The following GRID1 variants were observed in gnomAD, a reference collection of about 807,000 sequenced individuals.
GRID1 encodes glutamate ionotropic receptor delta type subunit 1.
In GRID1, 28 loss-of-function variants were observed where a neutral mutation model predicts 98.0. The ratio of observed to expected loss-of-function variants is 0.29; its 90% CI spans 0.21 to 0.39. The LOEUF (loss-of-function observed/expected upper bound fraction) is 0.39, where lower values mean the gene tolerates loss of function less well. Ranked by LOEUF, GRID1 falls within the 10% of genes least tolerant of loss-of-function variation. The probability of loss-of-function intolerance (pLI) is 1.00; values close to 1 mark genes in which losing one functional copy is unlikely to be tolerated. For synonymous variants in GRID1, 553 were observed against 538.5 expected (o/e 1.03, Z -0.37); for missense variants, 1,111 against 1,340.5 (o/e 0.83, Z 2.67).
intron 4 of GRID1, among the ~76,000 whole-genome samples, chr10:86,091,940 G>A (rs1844155703): frequency 2.0e-5 from 3 of 152,186 alleles, no homozygotes. Flanking sequence ...AAGGGGGAGA[G>A]TACTACATCA....
At chr10:86,235,759 T>C (rs1478452283) in intron 2 of GRID1, among the ~76,000 whole-genome samples, 1 of 152,254 alleles carries the variant, frequency 6.6e-6, no homozygotes, top group Non-Finnish European at 1.5e-5. Context: ...TTCCACTGAA[T>C]AGGAATATCC....
chr10:85,948,399 G>A (rs987532249), intron 4 of GRID1, among the ~76,000 whole-genome samples: 2 of 152,220 alleles, frequency 1.3e-5, no homozygotes, highest in African/African-American at 4.8e-5. Context: ...TTGGGAAGCT[G>A]CATTGTCACC....
At chr10:85,872,214 A>G (rs1202049738) in intron 5 of GRID1, among the ~76,000 whole-genome samples, 1 of 152,184 alleles carries the variant, frequency 6.6e-6, no homozygotes, top group Non-Finnish European at 1.5e-5. Context: ...AGAAAAAGCA[A>G]TGAGTAGGTT....
rs1171311960 is a variant in GRID1 at position 85,628,207 on chromosome 10, A to T, written c.2194-8174T>A. 7.9e-5 allele frequency among the ~76,000 whole-genome samples: 12 copies of T among 151,006 alleles called. No homozygotes were observed. In the East Asian group the frequency reaches 1.8e-3, roughly 22 times the overall value. On this transcript the variant is annotated intron_variant, in intron 13 of 15. Coordinates refer to ENST00000327946, the MANE Select transcript of GRID1 (RefSeq NM_017551.3). ...TGTGTGCATGGGAATGTGTGTGTGT[A>T]TGGGTGTGTGAGTGTGTGCATGTTG...
At chr10:85,720,682 A>ACC (rs1187027028) in intron 12 of GRID1, among the ~76,000 whole-genome samples, 28 of 151,470 alleles carry the variant, frequency 1.8e-4, no homozygotes, top group African/African-American at 6.8e-4. Flanking sequence ...AGAAAAAAAA[A>ACC]CCCCAAAACT....
At chr10:85,745,929 AAAG>A (rs1306658008) in intron 8 of GRID1, among the ~76,000 whole-genome samples, 1 of 152,186 alleles carries the variant, frequency 6.6e-6, no homozygotes, top group African/African-American at 2.4e-5. Flanking sequence ...GTGAAGAAAC[AAAG>A]AAGCAGTAAC....
chr10:85,764,860 A>G (rs1357814150), intron 8 of GRID1, among the ~76,000 whole-genome samples: 1 of 152,228 alleles, frequency 6.6e-6, no homozygotes, highest in East Asian at 1.9e-4. Flanking sequence ...AACAAAACTC[A>G]GGGTTACTTA....
chr10:85,807,219 G>A (rs566919051), intron 8 of GRID1, among the ~76,000 whole-genome samples: 49 of 151,924 alleles, frequency 3.2e-4, no homozygotes, highest in African/African-American at 9.7e-4. Flanking sequence ...GTGTGGTGGC[G>A]CGCACCTGTA....
chr10:86,029,326 C>T (rs1843155386), intron 4 of GRID1, among the ~76,000 whole-genome samples: 1 of 152,144 alleles, frequency 6.6e-6, no homozygotes, highest in Admixed American at 6.5e-5. Context: ...GTCAATCTGC[C>T]TTCAAAATAC....
intron 8 of GRID1, among the ~76,000 whole-genome samples, chr10:85,774,045 G>A (rs1425174495): frequency 1.3e-5 from 2 of 152,192 alleles, no homozygotes; most frequent in Admixed American, 1.3e-4. Context: ...GAACAAAGCT[G>A]TAGGCATCAC....
At chr10:85,708,270 G>C (rs1463780290) in intron 12 of GRID1, among the ~76,000 whole-genome samples, 3 of 152,088 alleles carry the variant, frequency 2.0e-5, no homozygotes, top group African/African-American at 7.2e-5. Context: ...CAGGCGTGGT[G>C]GTGGGCGCCT....
In GRID1 at chr10:86,185,403, C is replaced by A. The variant is rs567822099; in HGVS notation, c.520+20961G>T. 7.9e-5 allele frequency among the ~76,000 whole-genome samples: 12 copies of A among 152,208 alleles called. No individual in the cohort carries two copies. In the East Asian group the frequency reaches 2.1e-3, roughly 27 times the overall value. On this transcript the variant is annotated intron_variant, in intron 3 of 15. Transcript: ENST00000327946. The stretch of plus-strand genomic sequence containing the variant: ...CCACTAAATTTTGCACATGGATGAT[C>A]ATATAATCAGTAAATTTAAAGTTTT...
At chr10:85,779,050 T>A (rs147164669) in intron 8 of GRID1, among the ~76,000 whole-genome samples, 3 of 152,382 alleles carry the variant, frequency 2.0e-5, no homozygotes, top group Non-Finnish European at 4.4e-5. Context: ...ATTTAAGTTG[T>A]CATTTTTCAA....
intron 2 of GRID1, among the ~76,000 whole-genome samples, chr10:86,301,199 CA>C (rs1386625814): frequency 4.6e-5 from 7 of 152,204 alleles, no homozygotes; most frequent in Non-Finnish European, 8.8e-5. Flanking sequence ...CCACAGGCCA[CA>C]GACCAGCTGA....
rs35210466 is a variant in GRID1, at chr10:85,892,216, C to CAA, written c.781-23038_781-23037dup. On this transcript the variant is annotated intron_variant, in intron 5 of 15. Transcript: ENST00000327946. Reference sequence around the variant, plus strand: ...ATGAATCATGGAGATAAAAAAAAAACAAAAAAAAAAACAGGAAAAAGATCA... The same window carrying CAA: ...ATGAATCATGGAGATAAAAAAAAAACAAAAAAAAAAAAACAGGAAAAAGATCA... Among the ~76,000 whole-genome samples, 389 of 123,740 alleles carry CAA rather than the reference C, an allele frequency of 3.1e-3. 3 individuals carry two copies. The highest frequency in any genetic ancestry group is 5.2e-3 in the African/African-American group (176 of 34,046). 81.2% of individuals were successfully genotyped at this position (123,740 alleles called of 152,430 possible).
At chr10:86,320,698 A>C (rs1589448525) in intron 2 of GRID1, among the ~76,000 whole-genome samples, 1 of 152,224 alleles carries the variant, frequency 6.6e-6, no homozygotes, top group East Asian at 1.9e-4. Context: ...CATTTTAACA[A>C]ACACACACAC....
intron 2 of GRID1, among the ~76,000 whole-genome samples, chr10:86,258,163 T>G (rs1846955187): frequency 6.6e-6 from 1 of 152,140 alleles, no homozygotes; most frequent in South Asian, 2.1e-4. Flanking sequence ...GTTTCAAAAT[T>G]TCATGAGAAT....
intron 3 of GRID1, among the ~76,000 whole-genome samples, chr10:86,175,900 G>C (rs1215161737): frequency 6.6e-6 from 1 of 152,336 alleles, no homozygotes; most frequent in African/African-American, 2.4e-5. Context: ...GTAGAGACGG[G>C]GTTTCTCCAT....
chr10:85,605,788 A>G (rs1842652566), intron 15 of GRID1: 1 of 152,226 alleles, frequency 6.6e-6, no homozygotes, highest in Admixed American at 6.5e-5. Flanking sequence ...CCAAGAAGAA[A>G]GCCACAGGGA....
Sources: gnomAD v4.1 joint callset for allele counts (sites outside exome capture counted in the v4.1 genomes callset) on GRCh38, gnomAD v4.1.1 for gene constraint, MANE v1.5 for transcripts, NCBI Gene and HGNC (gene_info 2026-07-23, HGNC 2026-07-21) for gene names.